Variants in FCHO2 observed in about 807,000 individuals in gnomAD.
The protein encoded by FCHO2 is FCH and mu domain containing endocytic adaptor 2, also known as F-BAR domain only protein 2.
FCHO2 carries 43 observed loss-of-function variants against 114.1 expected under a neutral mutation model. The observed-to-expected ratio is 0.38, with a 90% confidence interval of 0.30 to 0.49. FCHO2 has a LOEUF of 0.49. Among genes scored for constraint, FCHO2 ranks in the 20% least tolerant of loss-of-function variants. The probability of loss-of-function intolerance (pLI) is 0.97; values close to 1 mark genes in which losing one functional copy is unlikely to be tolerated. For missense variants in FCHO2, 807 were observed against 950.4 expected (o/e 0.85, Z 1.98); for synonymous variants, 293 against 315.2 (o/e 0.93, Z 0.75).
intron 22 of FCHO2, among the ~76,000 whole-genome samples, chr5:73,079,971 A>T (rs1743038460): frequency 6.6e-6 from 1 of 152,230 alleles, no homozygotes; most frequent in South Asian, 2.1e-4. Flanking sequence ...CCTAAGTATG[A>T]TATGAAACCC....
intron 5 of FCHO2, chr5:72,997,176 C>A (rs1213696961): frequency 1.8e-6 from 2 of 1,117,384 alleles, no homozygotes; most frequent in Non-Finnish European, 1.4e-6. Context: ...TGGCCTGGAA[C>A]GCCTCCTGAC....
At chr5:73,001,118 G>C (rs1754409356) in intron 5 of FCHO2, among the ~76,000 whole-genome samples, 1 of 151,986 alleles carries the variant, frequency 6.6e-6, no homozygotes, top group African/African-American at 2.4e-5. Flanking sequence ...TGTTTCTGGT[G>C]GGGCATGGTG....
chr5:73,056,491 T>C (rs1289527013), intron 16 of FCHO2, among the ~76,000 whole-genome samples: 3 of 152,222 alleles, frequency 2.0e-5, no homozygotes, highest in Non-Finnish European at 2.9e-5. Flanking sequence ...TTTGTCTTTT[T>C]TTCTAGAGTT....
intron 24 of FCHO2, among the ~76,000 whole-genome samples, chr5:73,085,766 C>T (rs1743281535): frequency 6.8e-6 from 1 of 147,868 alleles, no homozygotes; most frequent in Admixed American, 6.9e-5. Flanking sequence ...TAGAGGGAGA[C>T]TCTGTCTCAA....
intron 6 of FCHO2, among the ~76,000 whole-genome samples, chr5:73,013,065 A>G (rs1195195934): frequency 6.6e-6 from 1 of 152,214 alleles, no homozygotes; most frequent in Non-Finnish European, 1.5e-5. Context: ...GTTAAGGGCC[A>G]TCCTTCTAGT....
chr5:73,007,162 G>A (rs1284489696), intron 6 of FCHO2, among the ~76,000 whole-genome samples: 1 of 152,076 alleles, frequency 6.6e-6, no homozygotes. Context: ...GTATCATTCA[G>A]GTCAGAGTAA....
intron 2 of FCHO2, among the ~76,000 whole-genome samples, chr5:72,982,826 A>ATTTTTTT (rs36075860): frequency 9.2e-6 from 1 of 108,148 alleles, no homozygotes; most frequent in Non-Finnish European, 2.0e-5. Flanking sequence ...GTCTGGATTC[A>ATTTTTTT]TTTTTTTTTT....
chr5:73,000,667 C>T lies in FCHO2; in HGVS notation c.496-5778C>T, dbSNP rs527932541. On this transcript the variant is annotated intron_variant, in intron 5 of 25. Transcript: ENST00000430046. ...GTACATGCCTGTAATCCCAGCTACTCGGGAGGCTGAGGCAGGAGAATCTCT... is the reference window on the plus strand; with the variant it reads ...GTACATGCCTGTAATCCCAGCTACTTGGGAGGCTGAGGCAGGAGAATCTCT... Among the ~76,000 whole-genome samples the T allele has an allele frequency of 2.0e-4, 30 of 151,590 alleles. 4 individuals carry two copies. The South Asian group carries it at 6.1e-3, about 31-fold the overall frequency.
chr5:72,994,679 A>G (rs919447576), intron 5 of FCHO2, among the ~76,000 whole-genome samples: 2 of 152,254 alleles, frequency 1.3e-5, no homozygotes, highest in African/African-American at 4.8e-5. Context: ...AGACACATGC[A>G]TGTGAATATT....
rs545078888 is a variant in FCHO2, at chr5:73,020,975, C to T, written c.796+3667C>T. On this transcript the variant is annotated intron_variant, in intron 8 of 25. Transcript: ENST00000430046. ...CTTCGGCTGTTGAGTGGTTCGGGTC[C>T]ATTCACATCTTTGCTCTTTTCATTA... The T allele has an allele frequency of 6.9e-6, 11 of 1,596,346 alleles. No individual in the cohort carries two copies. The Admixed American group carries it at 1.7e-4, about 24-fold the overall frequency.
intron 8 of FCHO2, among the ~76,000 whole-genome samples, chr5:73,032,241 A>T (rs1665508519): frequency 6.6e-6 from 1 of 152,202 alleles, no homozygotes; most frequent in Non-Finnish European, 1.5e-5. Flanking sequence ...TGGTTTTTTT[A>T]AAAAGGTAGT....
At chr5:73,047,050 A>T (rs922537984) in intron 11 of FCHO2, among the ~76,000 whole-genome samples, 1 of 152,186 alleles carries the variant, frequency 6.6e-6, no homozygotes, top group Non-Finnish European at 1.5e-5. Flanking sequence ...TTCCATTAAA[A>T]TTTTTTTGAA....
At chr5:73,055,012 G>C (rs554043614) in intron 15 of FCHO2, 8 of 301,406 alleles carry the variant, frequency 2.7e-5, no homozygotes, top group Non-Finnish European at 4.8e-5. Context: ...AATAACAAGG[G>C]TTGTGGGAAA....
chr5:73,008,562 G>A (rs1005364965), intron 6 of FCHO2, among the ~76,000 whole-genome samples: 4 of 152,100 alleles, frequency 2.6e-5, no homozygotes, highest in Admixed American at 6.6e-5. Context: ...ATTTTAAGAC[G>A]CCTATGAGAT....
chr5:73,007,362 A>G (rs1238796361), intron 6 of FCHO2, among the ~76,000 whole-genome samples: 1 of 152,218 alleles, frequency 6.6e-6, no homozygotes, highest in African/African-American at 2.4e-5. Context: ...GGCCAGAAAC[A>G]GTGAAGCACA....
intron 8 of FCHO2, among the ~76,000 whole-genome samples, chr5:73,025,375 A>ATTTTTT (rs367615996): frequency 2.0e-5 from 2 of 100,492 alleles, no homozygotes; most frequent in Admixed American, 1.1e-4. Flanking sequence ...CACCCAGCTA[A>ATTTTTT]TTTTTTTTTT....
intron 1 of FCHO2, among the ~76,000 whole-genome samples, chr5:72,963,564 A>G (rs1039312637): frequency 1.3e-5 from 2 of 151,422 alleles, no homozygotes; most frequent in Non-Finnish European, 2.9e-5. Context: ...TTTTTTTTAG[A>G]CAGGGTCTTC....
chr5:72,982,316 G>C (rs1488970747), intron 2 of FCHO2, among the ~76,000 whole-genome samples: 2 of 152,168 alleles, frequency 1.3e-5, no homozygotes, highest in Non-Finnish European at 2.9e-5. Context: ...CTTCTGCATT[G>C]ATCTCACTGG....
At chr5:72,994,473 T>C (rs1753972378) in intron 5 of FCHO2, among the ~76,000 whole-genome samples, 1 of 152,032 alleles carries the variant, frequency 6.6e-6, no homozygotes, top group South Asian at 2.1e-4. Context: ...TATTAAAAAG[T>C]CAAATAACAG....
Sources: allele counts gnomAD v4.1 joint callset (sites outside exome capture counted in the v4.1 genomes callset), GRCh38; gene constraint gnomAD v4.1.1; transcripts MANE v1.5; gene names NCBI Gene and HGNC (gene_info 2026-07-23, HGNC 2026-07-21).